Variants in ATAD2B observed in about 807,000 individuals in gnomAD.
ATAD2B encodes ATPase family AAA domain-containing protein 2B.
ATAD2B carries 40 observed loss-of-function variants against 167.6 expected under a neutral mutation model. The observed-to-expected ratio is 0.24, with a 90% CI of 0.19 to 0.31. ATAD2B has a LOEUF of 0.31. ATAD2B is among the 10% of genes least tolerant of loss of function. The pLI is 1.00. For synonymous variants in ATAD2B, 579 were observed against 596.5 expected (o/e 0.97, Z 0.43); for missense variants, 1,242 against 1,757.2 (o/e 0.71, Z 5.24).
intron 17 of ATAD2B, among the ~76,000 whole-genome samples, chr2:23,814,582 A>G (rs1026606207): frequency 2.0e-5 from 3 of 152,196 alleles, no homozygotes; most frequent in African/African-American, 7.2e-5. Flanking sequence ...AGTTAAAAAG[A>G]ACATGGCTCT....
chr2:23,746,288 G>A (rs903267612), downstream of ATAD2B, among the ~76,000 whole-genome samples: 2 of 152,178 alleles, frequency 1.3e-5, no homozygotes, highest in Non-Finnish European at 2.9e-5. Context: ...CTGGATGTGT[G>A]ACCTTGAGCA....
chr2:23,765,596 T>C lies in ATAD2B; in HGVS notation c.3166A>G (p.Lys1056Glu). 1 of 1,555,924 alleles carries C rather than the reference T, an allele frequency of 6.4e-7. No homozygotes were observed. Among genetic ancestry groups the C allele is most frequent in the Non-Finnish European group, 8.7e-7 (1 of 1,145,838 alleles). The change falls in exon 23 of 28, where the codon AAG becomes GAG. Residue 1056 changes from lysine (K) to glutamate (E), a missense_variant. By Grantham distance (56) the Lys-to-Glu change is moderately conservative (BLOSUM62 1). Around this residue, in one of 9 missense-constraint regions of ATAD2B, gnomAD observed 204 missense variants for 324.0 expected, o/e 0.63. Coordinates refer to ENST00000238789, the MANE Select transcript of ATAD2B (RefSeq NM_017552.4). ...GCAATGATAGCATGTGCAGTGTCCTTCAGGGTACAAGCCCTGTGCCTAATT... is the reference window on the plus strand; with the variant it reads ...GCAATGATAGCATGTGCAGTGTCCTCCAGGGTACAAGCCCTGTGCCTAATT... ...KIIRHRACTL[K>E]DTAHAIIAAE...
intron 1 of ATAD2B, among the ~76,000 whole-genome samples, chr2:23,901,537 C>T (rs1318154177): frequency 1.3e-5 from 2 of 152,028 alleles, no homozygotes; most frequent in Non-Finnish European, 2.9e-5. Flanking sequence ...AGATTTTAAG[C>T]TCCTGAATTA....
Position 23,850,097 on chromosome 2 carries a change from C to T in ATAD2B, c.1568+7318G>A, listed in dbSNP as rs548480277. Among the ~76,000 whole-genome samples the T allele has an allele frequency of 1.2e-4, 18 of 146,544 alleles. No individual in the cohort carries two copies. In the South Asian group the frequency reaches 3.9e-3, roughly 32 times the overall value. On this transcript the variant is annotated intron_variant, in intron 13 of 27. Transcript: ENST00000238789. Reference sequence around the variant, plus strand: ...GGCGGAGCTTGCAGTGAGCTGAGATCGCGCCACTGCTGGAGTGGGCAACAG... The same window carrying T: ...GGCGGAGCTTGCAGTGAGCTGAGATTGCGCCACTGCTGGAGTGGGCAACAG...
chr2:23,831,354 T>C (rs1304049902), intron 14 of ATAD2B, among the ~76,000 whole-genome samples: 2 of 139,562 alleles, frequency 1.4e-5, no homozygotes, highest in Non-Finnish European at 3.1e-5. Context: ...ACAAAATTAT[T>C]AAAATTTGAA....
chr2:23,857,389 A>G lies in ATAD2B; in HGVS notation c.1568+26T>C. 4 of 1,326,400 alleles carry G rather than the reference A, an allele frequency of 3.0e-6. No individual in the cohort carries two copies. In the South Asian group the frequency reaches 5.8e-5, roughly 19 times the overall value. The allele number at this position is 1,326,400 out of a possible 1,614,324, so 82.2% of individuals were successfully genotyped here. On this transcript the variant is annotated intron_variant, in intron 13 of 27. Coordinates refer to ENST00000238789, the MANE Select transcript of ATAD2B (RefSeq NM_017552.4). ...CAAGTCAATGCGTAAAAAAGAAATC[A>G]AGATAATCAGATAAAGAAAAATTAC...
At chr2:23,776,759 C>G (rs1304239971) in intron 22 of ATAD2B, among the ~76,000 whole-genome samples, 5 of 152,266 alleles carry the variant, frequency 3.3e-5, no homozygotes, top group Admixed American at 3.3e-4. Context: ...AGACATTATT[C>G]ATGATTGCCA....
intron 19 of ATAD2B, among the ~76,000 whole-genome samples, chr2:23,792,053 T>A (rs1223659972): frequency 6.6e-6 from 1 of 152,034 alleles, no homozygotes; most frequent in Non-Finnish European, 1.5e-5. Context: ...CTGTTTTTTT[T>A]TAATAACAGC....
intron 19 of ATAD2B, among the ~76,000 whole-genome samples, chr2:23,795,268 T>C (rs138098597): frequency 6.6e-6 from 1 of 152,228 alleles, no homozygotes; most frequent in Non-Finnish European, 1.5e-5. Flanking sequence ...CCATACACAT[T>C]GATTTATTAC....
At chr2:23,812,892 A>C (rs1685832645) in intron 17 of ATAD2B, among the ~76,000 whole-genome samples, 2 of 151,998 alleles carry the variant, frequency 1.3e-5, no homozygotes, top group African/African-American at 4.8e-5. Flanking sequence ...GCATTCAAAC[A>C]TGTTTTAGTA....
chr2:23,724,380 A>T, the ATAD2B span, among the ~76,000 whole-genome samples: 3 of 152,194 alleles, frequency 2.0e-5, no homozygotes, highest in Non-Finnish European at 4.4e-5. Context: ...TACCCAATGA[A>T]TACGTACAAT....
intron 10 of ATAD2B, chr2:23,866,067 C>A (rs1573120534): frequency 3.0e-6 from 1 of 335,020 alleles, no homozygotes; most frequent in East Asian, 1.7e-4. Flanking sequence ...ATAACAGAAA[C>A]ATTTTAAGAG....
At chr2:23,787,907 C>T (rs1419812687) in intron 20 of ATAD2B, among the ~76,000 whole-genome samples, 1 of 152,008 alleles carries the variant, frequency 6.6e-6, no homozygotes, top group African/African-American at 2.4e-5. Context: ...GAACTGAAAT[C>T]TGAGAAATTC....
At chr2:23,741,827 A>C in the ATAD2B span, among the ~76,000 whole-genome samples, 17 of 152,230 alleles carry the variant, frequency 1.1e-4, no homozygotes, top group African/African-American at 4.1e-4. Flanking sequence ...TAATATTCAG[A>C]ATCTACAATG....
intron 23 of ATAD2B, among the ~76,000 whole-genome samples, chr2:23,762,778 T>A (rs1300642265): frequency 6.6e-6 from 1 of 152,186 alleles, no homozygotes; most frequent in Non-Finnish European, 1.5e-5. Context: ...CACACTGCAG[T>A]CAGTTTGGTT....
At chr2:23,748,459 A>T (rs1675034026), downstream of ATAD2B, among the ~76,000 whole-genome samples, 1 of 152,192 alleles carries the variant, frequency 6.6e-6, no homozygotes, top group Non-Finnish European at 1.5e-5. Context: ...TCTTCAACTA[A>T]AACTAAAACC....
At chr2:23,711,884 T>C in the ATAD2B span, among the ~76,000 whole-genome samples, 1 of 152,198 alleles carries the variant, frequency 6.6e-6, no homozygotes, top group Non-Finnish European at 1.5e-5. Flanking sequence ...AATATACGTA[T>C]ACAACATAAT....
At chr2:23,842,313 G>C (rs896507540) in intron 13 of ATAD2B, among the ~76,000 whole-genome samples, 8 of 152,022 alleles carry the variant, frequency 5.3e-5, no homozygotes, top group Non-Finnish European at 1.2e-4. Flanking sequence ...ATTCAAACCT[G>C]CATACTGGAT....
the ATAD2B span, among the ~76,000 whole-genome samples, chr2:23,742,484 C>T: frequency 7.0e-6 from 1 of 142,568 alleles, no homozygotes; most frequent in African/African-American, 2.7e-5. Context: ...TGTTCTCACT[C>T]ATAGGTGGGA....
Sources: gnomAD v4.1 joint callset for allele counts (sites outside exome capture counted in the v4.1 genomes callset) on GRCh38, gnomAD v4.1.1 for gene constraint, gnomAD v4.1.1 regional missense constraint, MANE v1.5 for transcripts, NCBI Gene and HGNC (gene_info 2026-07-23, HGNC 2026-07-21) for gene names.